NFIB: variants seen among roughly 807,000 people sequenced by gnomAD.
The protein encoded by NFIB is nuclear factor I B.
In NFIB, 11 loss-of-function variants were observed where a neutral mutation model predicts 61.5. The observed-to-expected ratio is 0.18, with a 90% CI of 0.11 to 0.30. The LOEUF is 0.30. Among genes scored for constraint, NFIB ranks in the 10% least tolerant of loss-of-function variants. The pLI is 1.00. For missense variants in NFIB, 471 were observed against 608.9 expected, an observed-to-expected ratio of 0.77 and a Z score of 2.38; for synonymous variants, 260 against 216.5, an observed-to-expected ratio of 1.20 and a Z score of -1.76.
the NFIB span, among the ~76,000 whole-genome samples, chr9:14,477,968 C>A: frequency 6.6e-6 from 1 of 152,266 alleles, no homozygotes; most frequent in Non-Finnish European, 1.5e-5. Flanking sequence ...CCCCACCCCC[C>A]ATTCTATGCC....
chr9:14,323,259 A>G (rs1288966961), intron 1 of NFIB, among the ~76,000 whole-genome samples: 12 of 152,242 alleles, frequency 7.9e-5, no homozygotes, highest in Non-Finnish European at 1.6e-4. Flanking sequence ...AAGAGATAAT[A>G]CAACCCCGGA....
intron 2 of NFIB, among the ~76,000 whole-genome samples, chr9:14,279,970 G>A (rs763290019): frequency 3.3e-5 from 5 of 152,170 alleles, no homozygotes; most frequent in Non-Finnish European, 7.3e-5. Context: ...GGATTGCTCT[G>A]ATAGCAGCTG....
chr9:14,422,517 T>G, the NFIB span, among the ~76,000 whole-genome samples: 36 of 152,292 alleles, frequency 2.4e-4, no homozygotes, highest in African/African-American at 7.5e-4. Context: ...CAATTGCACG[T>G]GATAAGCATC....
At chr9:14,528,992 C>T in the NFIB span, among the ~76,000 whole-genome samples, 49 of 152,092 alleles carry the variant, frequency 3.2e-4, no homozygotes, top group Admixed American at 5.9e-4. Flanking sequence ...GATTTTTCTC[C>T]TTGAAAGAAG....
intron 2 of NFIB, among the ~76,000 whole-genome samples, chr9:14,245,010 G>C (rs1359953361): frequency 2.6e-5 from 4 of 152,112 alleles, no homozygotes; most frequent in Non-Finnish European, 4.4e-5. Flanking sequence ...CTAAAAGTCA[G>C]CATTCCCCTG....
At chr9:14,446,385 G>T in the NFIB span, among the ~76,000 whole-genome samples, 1 of 152,004 alleles carries the variant, frequency 6.6e-6, no homozygotes, top group South Asian at 2.1e-4. Context: ...CCTACATTAC[G>T]TGTTCTCATT....
At position 14,342,972 on chromosome 9, in the gene NFIB, A is replaced by G. The variant is rs569379139; in HGVS notation, c.109-35452T>C. 2.6e-5 allele frequency among the ~76,000 whole-genome samples: 4 copies of G among 151,970 alleles called. No individual in the cohort carries two copies. In the South Asian group the frequency reaches 8.3e-4, roughly 32 times the overall value. On this transcript the variant is annotated intron_variant, in intron 1 of 8. Coordinates refer to the NFIB transcript ENST00000380934. Reference sequence around the variant, plus strand: ...CATATGTTTTTGTCTGTATATTATTAAAGAAAGGAGGGAAAGAAAAGGGGG... The same window carrying G: ...CATATGTTTTTGTCTGTATATTATTGAAGAAAGGAGGGAAAGAAAAGGGGG...
intron 1 of NFIB, among the ~76,000 whole-genome samples, chr9:14,394,445 A>C (rs1188312761): frequency 5.3e-5 from 8 of 152,188 alleles, no homozygotes; most frequent in African/African-American, 2.4e-5. Flanking sequence ...ATAATGGTGG[A>C]AGGCAAAAGA....
the NFIB span, among the ~76,000 whole-genome samples, chr9:14,467,718 C>A: frequency 6.6e-6 from 1 of 152,070 alleles, no homozygotes; most frequent in South Asian, 2.1e-4. Context: ...TACCATAGGC[C>A]AAGCTCTGTT....
At chr9:14,391,170 G>A (rs749622715) in intron 1 of NFIB, among the ~76,000 whole-genome samples, 15 of 152,080 alleles carry the variant, frequency 9.9e-5, no homozygotes, top group African/African-American at 1.4e-4. Flanking sequence ...ACTTTTTAGC[G>A]GAGAAACCTG....
At chr9:14,345,979 A>G (rs1186383781) in intron 1 of NFIB, among the ~76,000 whole-genome samples, 1 of 152,180 alleles carries the variant, frequency 6.6e-6, no homozygotes, top group African/African-American at 2.4e-5. Flanking sequence ...TGACACCGCC[A>G]TGGTGGCAAC....
upstream of NFIB, among the ~76,000 whole-genome samples, chr9:14,401,370 T>C (rs1588426603): frequency 6.6e-6 from 1 of 152,302 alleles, no homozygotes; most frequent in Non-Finnish European, 1.5e-5. Context: ...TTTGTCCTCG[T>C]GAGGCCTTGC....
At chr9:14,515,497 G>C in the NFIB span, among the ~76,000 whole-genome samples, 4 of 152,198 alleles carry the variant, frequency 2.6e-5, no homozygotes, top group East Asian at 3.9e-4. Flanking sequence ...TGTTCCTCTA[G>C]CCAGGTGTTT....
chr9:14,324,821 G>T (rs1322994), intron 1 of NFIB, among the ~76,000 whole-genome samples: 134,383 of 152,084 alleles, frequency 0.88, 61,192 homozygotes, highest in Non-Finnish European at 1. Flanking sequence ...CCTATATCCA[G>T]CATTCTTCTG....
chr9:14,119,938 G>A (rs574613763), intron 8 of NFIB, among the ~76,000 whole-genome samples: 1 of 152,312 alleles, frequency 6.6e-6, no homozygotes, highest in South Asian at 2.1e-4. Context: ...ATTATTAAAT[G>A]TAAGTCATGT....
intron 2 of NFIB, among the ~76,000 whole-genome samples, chr9:14,280,894 A>C (rs1471265428): frequency 2.6e-5 from 4 of 152,154 alleles, no homozygotes; most frequent in Admixed American, 1.3e-4. Flanking sequence ...TATAGTTGTG[A>C]TCATTTAAAA....
chr9:14,317,802 CACA>C (rs1377299993), upstream of NFIB, among the ~76,000 whole-genome samples: 7 of 152,324 alleles, frequency 4.6e-5, no homozygotes, highest in South Asian at 2.1e-4. Flanking sequence ...CTTCTCTTAA[CACA>C]ACACTTGTCC....
At chr9:14,290,425 G>A (rs892185880) in intron 2 of NFIB, among the ~76,000 whole-genome samples, 2 of 151,942 alleles carry the variant, frequency 1.3e-5, no homozygotes, top group Non-Finnish European at 2.9e-5. Context: ...CGGCAGGTGC[G>A]GCGGTAAGCA....
chr9:14,321,850 A>T (rs543236566), intron 1 of NFIB: 1 of 1,225,460 alleles, frequency 8.2e-7, no homozygotes, highest in South Asian at 4.1e-5. Flanking sequence ...CAATCCACAA[A>T]CAGGAAAAGA....
Sources: gnomAD v4.1 joint callset for allele counts (sites outside exome capture counted in the v4.1 genomes callset) on GRCh38, gnomAD v4.1.1 for gene constraint, MANE v1.5 for transcripts, NCBI Gene and HGNC (gene_info 2026-07-23, HGNC 2026-07-21) for gene names.